ZNF385B: variants seen among roughly 807,000 people sequenced by gnomAD.
The protein encoded by ZNF385B is zinc finger protein 385B.
In ZNF385B, 23 loss-of-function variants were observed where a neutral mutation model predicts 39.2. That is an observed-to-expected ratio of 0.59 (90% CI 0.42 to 0.83). The LOEUF (loss-of-function observed/expected upper bound fraction) is 0.83, where lower values mean the gene tolerates loss of function less well. Among genes scored for constraint, ZNF385B ranks in the 40% least tolerant of loss-of-function variants. ZNF385B has a pLI of 0.00. For synonymous variants in ZNF385B, 205 were observed against 222.6 expected (o/e 0.92, Z 0.70); for missense variants, 552 against 598.9 (o/e 0.92, Z 0.82).
intron 3 of ZNF385B, among the ~76,000 whole-genome samples, chr2:179,643,234 A>T (rs1049483603): frequency 3.0e-3 from 4 of 1,334 alleles, no homozygotes; most frequent in Non-Finnish European, 0.016. Context: ...ACTTAAATAC[A>T]TTGATGATGT....
intron 6 of ZNF385B, among the ~76,000 whole-genome samples, chr2:179,473,732 G>A (rs545963992): frequency 1.0e-3 from 159 of 152,142 alleles, no homozygotes; most frequent in African/African-American, 3.6e-3. Context: ...GACCATGTGT[G>A]TGTTCTCGTT....
At chr2:179,671,420 C>G (rs10803927) in intron 3 of ZNF385B, among the ~76,000 whole-genome samples, 61,511 of 151,988 alleles carry the variant, frequency 0.4, 12,929 homozygotes, top group African/African-American at 0.52. Context: ...TAAACCTTTG[C>G]GAAATTCAGA....
At chr2:179,597,218 C>T (rs900594990) in intron 3 of ZNF385B, among the ~76,000 whole-genome samples, 14 of 152,200 alleles carry the variant, frequency 9.2e-5, no homozygotes, top group Non-Finnish European at 1.2e-4. Context: ...TATGGCAGCA[C>T]GCCACTTCAG....
chr2:179,588,080 C>T (rs1298135837), intron 3 of ZNF385B, among the ~76,000 whole-genome samples: 1 of 151,992 alleles, frequency 6.6e-6, no homozygotes, highest in Non-Finnish European at 1.5e-5. Context: ...TTGGCAGGCC[C>T]TTCTCTCTTT....
At chr2:179,649,788 GAA>G (rs1388659173) in intron 3 of ZNF385B, among the ~76,000 whole-genome samples, 1 of 152,078 alleles carries the variant, frequency 6.6e-6, no homozygotes, top group Non-Finnish European at 1.5e-5. Flanking sequence ...GAAGAGAAAA[GAA>G]AGTTTTGCTT....
chr2:179,554,374 G>A (rs1465953585), intron 3 of ZNF385B, among the ~76,000 whole-genome samples: 1 of 149,168 alleles, frequency 6.7e-6, no homozygotes, highest in Non-Finnish European at 1.5e-5. Context: ...TTTGAGGAAT[G>A]GCTTGTGTTT....
chr2:179,599,277 G>A (rs1049463223), intron 3 of ZNF385B, among the ~76,000 whole-genome samples: 5 of 152,124 alleles, frequency 3.3e-5, no homozygotes, highest in Admixed American at 6.6e-5. Context: ...TTCTGATTCC[G>A]AAAATCACAG....
At chr2:179,572,112 C>T (rs1241992924) in intron 3 of ZNF385B, among the ~76,000 whole-genome samples, 1 of 151,998 alleles carries the variant, frequency 6.6e-6, no homozygotes, top group Non-Finnish European at 1.5e-5. Flanking sequence ...TTGAACAGGA[C>T]AGGAGGTGGG....
At chr2:179,651,322 A>G (rs1490623741) in intron 3 of ZNF385B, among the ~76,000 whole-genome samples, 2 of 152,170 alleles carry the variant, frequency 1.3e-5, no homozygotes, top group East Asian at 1.9e-4. Context: ...CAGTGCATTC[A>G]TTCAATGGTT....
chr2:179,465,030 T>C (rs138889518), intron 6 of ZNF385B, among the ~76,000 whole-genome samples: 82 of 152,296 alleles, frequency 5.4e-4, no homozygotes, highest in Non-Finnish European at 1.0e-3. Context: ...TTCTGCTTCC[T>C]GTCTTCCTAT....
At chr2:179,560,121 CT>C (rs1291301734) in intron 3 of ZNF385B, among the ~76,000 whole-genome samples, 2 of 152,050 alleles carry the variant, frequency 1.3e-5, no homozygotes, top group East Asian at 3.9e-4. Flanking sequence ...GAATAATATT[CT>C]TTATATGGAA....
At chr2:179,505,071 C>T (rs2057128675) in intron 5 of ZNF385B, among the ~76,000 whole-genome samples, 1 of 152,052 alleles carries the variant, frequency 6.6e-6, no homozygotes, top group Non-Finnish European at 1.5e-5. Flanking sequence ...AACAGATCAG[C>T]AGTTTCCAGA....
At chr2:179,674,281 G>A (rs971611586) in intron 3 of ZNF385B, among the ~76,000 whole-genome samples, 4 of 152,018 alleles carry the variant, frequency 2.6e-5, no homozygotes, top group African/African-American at 7.2e-5. Flanking sequence ...TGAAGGAGAC[G>A]GATTATTATT....
Position 179,544,947 on chromosome 2 carries a change from G to GGTA in ZNF385B, c.318_320dup (p.Thr107dup). ...TAGGTGTGCGCACAAGAGCAGGAAG[G>GGTA]GTAGTAGTGTGGCATGTACTGCCTG... is the stretch of plus-strand genomic sequence containing the variant. On this transcript the variant is annotated inframe_insertion, in exon 4 of 10. Transcript: ENST00000410066. The GGTA allele has an allele frequency of 6.2e-7, 1 of 1,613,886 alleles. No individual in the cohort carries two copies. Among genetic ancestry groups the GGTA allele is most frequent in the Non-Finnish European group, 8.5e-7 (1 of 1,179,838 alleles).
chr2:179,543,136 G>A (rs183980707), intron 4 of ZNF385B, among the ~76,000 whole-genome samples: 55 of 152,218 alleles, frequency 3.6e-4, no homozygotes, highest in Non-Finnish European at 7.1e-4. Context: ...GCCAGGTGTG[G>A]TGGCAGGCGC....
At chr2:179,572,817 T>TCCTC (rs147998576) in intron 3 of ZNF385B, among the ~76,000 whole-genome samples, 4,052 of 152,150 alleles carry the variant, frequency 0.027, 78 homozygotes, top group African/African-American at 0.051. Context: ...GACTGTATGG[T>TCCTC]CCTCCCCTTC....
chr2:179,820,190 A>T (rs922920449), intron 1 of ZNF385B, among the ~76,000 whole-genome samples: 15 of 152,062 alleles, frequency 9.9e-5, no homozygotes, highest in Non-Finnish European at 8.8e-5. Flanking sequence ...TATAATACCT[A>T]CTTAAAAATC....
chr2:179,533,622 A>C (rs896267800), intron 4 of ZNF385B, among the ~76,000 whole-genome samples: 1 of 151,912 alleles, frequency 6.6e-6, no homozygotes, highest in Non-Finnish European at 1.5e-5. Flanking sequence ...GAGGGGGAGG[A>C]GTGGGTAGGG....
intron 3 of ZNF385B, among the ~76,000 whole-genome samples, chr2:179,710,450 C>T (rs1699920403): frequency 6.6e-6 from 1 of 152,206 alleles, no homozygotes; most frequent in African/African-American, 2.4e-5. Flanking sequence ...ATCTATTTTA[C>T]ATCCTACTCC....
Sources: gnomAD v4.1 joint callset for allele counts (sites outside exome capture counted in the v4.1 genomes callset) on GRCh38, gnomAD v4.1.1 for gene constraint, MANE v1.5 for transcripts, NCBI Gene and HGNC (gene_info 2026-07-23, HGNC 2026-07-21) for gene names.